The following POU6F2 variants were observed in gnomAD, a reference collection of about 807,000 sequenced individuals.
POU6F2 encodes the protein POU class 6 homeobox 2, also known as POU domain, class 6, transcription factor 2.
A neutral mutation model predicts 71.3 loss-of-function variants in POU6F2; 31 were observed. The observed-to-expected ratio is 0.43, with a 90% CI of 0.33 to 0.59. The LOEUF (loss-of-function observed/expected upper bound fraction) is 0.59. POU6F2 is among the 20% of genes least tolerant of loss of function. POU6F2 has a pLI of 0.04. For missense variants in POU6F2, 783 were observed against 856.8 expected, an observed-to-expected ratio of 0.91 and a Z score of 1.07; for synonymous variants, 347 against 355.7, an observed-to-expected ratio of 0.98 and a Z score of 0.27.
chr7:39,010,437 G>T (rs1340127771), intron 1 of POU6F2, among the ~76,000 whole-genome samples: 165 of 147,384 alleles, frequency 1.1e-3, no homozygotes, highest in Admixed American at 2.8e-3. Flanking sequence ...AGTCTTGCTA[G>T]TGGTCTATGA....
chr7:39,188,461 C>T (rs1030109322), intron 2 of POU6F2, among the ~76,000 whole-genome samples: 1 of 152,074 alleles, frequency 6.6e-6, no homozygotes, highest in Non-Finnish European at 1.5e-5. Flanking sequence ...TGCAGGTGCA[C>T]ACCACCACCC....
At chr7:39,064,427 A>C (rs553042610) in intron 1 of POU6F2, among the ~76,000 whole-genome samples, 4 of 151,950 alleles carry the variant, frequency 2.6e-5, no homozygotes, top group Non-Finnish European at 5.9e-5. Flanking sequence ...AGAATATAAA[A>C]CTTTCAAATT....
chr7:39,203,370 C>A (rs187900779), intron 2 of POU6F2, among the ~76,000 whole-genome samples: 4 of 152,148 alleles, frequency 2.6e-5, no homozygotes, highest in Non-Finnish European at 5.9e-5. Flanking sequence ...TTAGAAAACT[C>A]CAAGGAAACA....
chr7:39,342,677 TAAATG>T (rs1382302669), intron 5 of POU6F2, among the ~76,000 whole-genome samples: 1 of 152,124 alleles, frequency 6.6e-6, no homozygotes, highest in Non-Finnish European at 1.5e-5. Flanking sequence ...TAGAAAAAAA[TAAATG>T]TAAGTAGGTT....
chr7:39,343,096 A>G (rs147420223), intron 5 of POU6F2, among the ~76,000 whole-genome samples: 2 of 152,298 alleles, frequency 1.3e-5, no homozygotes, highest in Admixed American at 1.3e-4. Context: ...AGGCTTGAGG[A>G]GAGAAGTTCT....
At chr7:39,158,718 G>A (rs903168237) in intron 2 of POU6F2, among the ~76,000 whole-genome samples, 2 of 152,102 alleles carry the variant, frequency 1.3e-5, no homozygotes, top group African/African-American at 4.8e-5. Flanking sequence ...CCCACCAATT[G>A]GATGGTGCCC....
chr7:39,382,533 A>G (rs887221265), intron 5 of POU6F2, among the ~76,000 whole-genome samples: 1 of 152,212 alleles, frequency 6.6e-6, no homozygotes, highest in Non-Finnish European at 1.5e-5. Flanking sequence ...TGGACCCAGG[A>G]ATTCATGTGG....
chr7:39,456,932 A>G (rs1307776151), intron 8 of POU6F2, among the ~76,000 whole-genome samples: 1 of 152,236 alleles, frequency 6.6e-6, no homozygotes, highest in Non-Finnish European at 1.5e-5. Context: ...CTCATGGAAG[A>G]TACTGGGCTC....
chr7:39,195,394 C>T (rs1312254444), intron 2 of POU6F2, among the ~76,000 whole-genome samples: 2 of 152,168 alleles, frequency 1.3e-5, no homozygotes, highest in African/African-American at 2.4e-5. Context: ...GTAACTCATG[C>T]TTAAATCATA....
intron 8 of POU6F2, among the ~76,000 whole-genome samples, chr7:39,453,650 G>A (rs1788713468): frequency 6.6e-6 from 1 of 152,238 alleles, no homozygotes; most frequent in Non-Finnish European, 1.5e-5. Flanking sequence ...ACTTGTCACA[G>A]CTGGGCAGTG....
In POU6F2 at chr7:39,466,297, A is replaced by C. The variant is rs1018916811; in HGVS notation, c.*1611A>C. On this transcript the variant is annotated 3_prime_UTR_variant, in exon 10 of 10. Transcript: ENST00000518318. Reference sequence around the variant, plus strand: ...AGGATTATTTCCTTTAAAAAAAATAACTTAAAAGATCTGTGGGCCACAATA... The same window carrying C: ...AGGATTATTTCCTTTAAAAAAAATACCTTAAAAGATCTGTGGGCCACAATA... 6.7e-6 allele frequency: 1 copy of C among 149,528 alleles called. No individual in the cohort carries two copies. The highest frequency in any genetic ancestry group is 6.7e-5 in the Admixed American group (1 of 14,916). 9.3% of individuals were successfully genotyped at this position (149,528 alleles called of 1,614,324 possible).
intron 4 of POU6F2, among the ~76,000 whole-genome samples, chr7:39,330,826 C>T (rs1172041156): frequency 6.6e-6 from 1 of 152,108 alleles, no homozygotes; most frequent in Non-Finnish European, 1.5e-5. Flanking sequence ...TTGTAATGTA[C>T]AATACCTTAC....
intron 4 of POU6F2, among the ~76,000 whole-genome samples, chr7:39,235,012 T>C (rs1412842711): frequency 6.6e-6 from 1 of 152,242 alleles, no homozygotes; most frequent in East Asian, 1.9e-4. Context: ...TTTCAGTTTA[T>C]GCGTTTGTAG....
intron 5 of POU6F2, among the ~76,000 whole-genome samples, chr7:39,405,567 A>G (rs952981919): frequency 6.6e-6 from 1 of 152,208 alleles, no homozygotes; most frequent in Non-Finnish European, 1.5e-5. Context: ...GAGAAACTAT[A>G]TGGGGAAAAA....
chr7:39,110,462 A>G (rs1791785340), intron 2 of POU6F2, among the ~76,000 whole-genome samples: 1 of 152,052 alleles, frequency 6.6e-6, no homozygotes, highest in African/African-American at 2.4e-5. Flanking sequence ...ATGTGCTATT[A>G]TATGTCTTTT....
chr7:39,280,767 A>G (rs1784548564), intron 4 of POU6F2, among the ~76,000 whole-genome samples: 1 of 152,250 alleles, frequency 6.6e-6, no homozygotes, highest in Admixed American at 6.5e-5. Context: ...AAGTTAACAT[A>G]GCGATTGCTT....
chr7:39,022,001 C>T (rs1279938734), intron 1 of POU6F2, among the ~76,000 whole-genome samples: 2 of 152,044 alleles, frequency 1.3e-5, no homozygotes, highest in African/African-American at 4.8e-5. Flanking sequence ...AGAAATTTGT[C>T]AGGATATGTC....
At chr7:39,219,250 A>T (rs1470481065) in intron 4 of POU6F2, among the ~76,000 whole-genome samples, 1 of 152,150 alleles carries the variant, frequency 6.6e-6, no homozygotes, top group East Asian at 1.9e-4. Context: ...TCTTCTAAGG[A>T]TTTGCCAGGT....
At chr7:39,447,325 C>A (rs961540522) in intron 7 of POU6F2, among the ~76,000 whole-genome samples, 12 of 152,150 alleles carry the variant, frequency 7.9e-5, no homozygotes, top group African/African-American at 2.9e-4. Context: ...TTTGAACATA[C>A]CTCATTTGTT....
Sources: allele counts gnomAD v4.1 joint callset (sites outside exome capture counted in the v4.1 genomes callset), GRCh38; gene constraint gnomAD v4.1.1; transcripts MANE v1.5; gene names NCBI Gene and HGNC (gene_info 2026-07-23, HGNC 2026-07-21).